The following MINDY4 variants were observed in gnomAD, a reference collection of about 807,000 sequenced individuals.
MINDY4 encodes probable ubiquitin carboxyl-terminal hydrolase MINDY-4.
MINDY4 carries 68 observed loss-of-function variants against 87.0 expected under a neutral mutation model. The observed-to-expected ratio is 0.78, with a 90% CI of 0.64 to 0.96. The LOEUF is 0.96. Among genes scored for constraint, MINDY4 ranks in the 40% least tolerant of loss-of-function variants. MINDY4 has a pLI of 0.00. For missense variants in MINDY4, 919 were observed against 928.2 expected (o/e 0.99, Z 0.13); for synonymous variants, 379 against 363.2 (o/e 1.04, Z -0.50).
intron 7 of MINDY4, among the ~76,000 whole-genome samples, chr7:30,838,005 T>C (rs1209674861): frequency 6.6e-6 from 1 of 152,166 alleles, no homozygotes; most frequent in Non-Finnish European, 1.5e-5. Flanking sequence ...TGGAAAATAA[T>C]GAGTCTGTAG....
chr7:30,852,221 C>T lies in MINDY4; in HGVS notation c.1553C>T (p.Ser518Leu), dbSNP rs755852563. 5.6e-6 allele frequency: 9 copies of T among 1,614,118 alleles called. No individual in the cohort carries two copies. The highest frequency in any genetic ancestry group is 3.3e-5 in the Admixed American group (2 of 60,010). The change falls in exon 11 of 18, where the codon TCG becomes TTG. Residue 518 changes from serine to leucine, a missense_variant. Physicochemically the swap from Ser to Leu is moderately radical, Grantham distance 145. Coordinates refer to ENST00000265299, the MANE Select transcript of MINDY4 (RefSeq NM_032222.3). ...CACCTTCCTTTCCTTTTTAGGGCTT[C>T]GAGAACACAGCAGTTCAGTCCAACA... ...GRERAVVALA[S>L]RTQQFSPTGK...
chr7:30,782,078 C>T lies in MINDY4; in HGVS notation c.285C>T (p.Ile95=). The stretch of plus-strand genomic sequence containing the variant: ...ACAATTTCACTCAAGATACCCCAAT[C>T]CCTGCACTCTCAGTTCCAAAGAAAA... ...TANNFTQDTP[I]PALSVPKKNN... The change falls in exon 3 of 18, where the codon ATC becomes ATT. Residue 95 remains isoleucine, a synonymous_variant. Transcript: ENST00000265299. 1 of 1,614,094 alleles carries T rather than the reference C, an allele frequency of 6.2e-7. No homozygotes were observed.
chr7:30,784,554 G>C (rs543564986), intron 3 of MINDY4, among the ~76,000 whole-genome samples: 1 of 152,206 alleles, frequency 6.6e-6, no homozygotes, highest in Non-Finnish European at 1.5e-5. Context: ...CTATCCTGCC[G>C]AAGGGCTTCA....
chr7:30,809,899 C>G (rs945778798), intron 5 of MINDY4, among the ~76,000 whole-genome samples: 1 of 151,922 alleles, frequency 6.6e-6, no homozygotes, highest in East Asian at 1.9e-4. Flanking sequence ...ATGTTTAGGC[C>G]GGGCGCAGTG....
intron 12 of MINDY4, among the ~76,000 whole-genome samples, chr7:30,856,225 GGCCAGTT>G (rs981849699): frequency 2.3e-4 from 35 of 152,032 alleles, no homozygotes; most frequent in African/African-American, 8.2e-4. Flanking sequence ...GCAGTTTTCA[GGCCAGTT>G]GCCTTGCCTG....
chr7:30,861,521 A>G (rs62449121), intron 13 of MINDY4, among the ~76,000 whole-genome samples: 9,121 of 152,274 alleles, frequency 0.06, 379 homozygotes, highest in Middle Eastern at 0.085. Flanking sequence ...CTGGCCCTAG[A>G]GCTGGCTTTT....
chr7:30,792,659 A>G (rs1220156620), intron 5 of MINDY4, among the ~76,000 whole-genome samples: 8 of 152,126 alleles, frequency 5.3e-5, no homozygotes, highest in Admixed American at 5.2e-4. Context: ...GTATAATTAT[A>G]TTATCCTCTT....
intron 13 of MINDY4, among the ~76,000 whole-genome samples, chr7:30,869,979 G>C (rs1210573448): frequency 6.6e-6 from 1 of 152,154 alleles, no homozygotes; most frequent in Non-Finnish European, 1.5e-5. Context: ...GGAGGTCTGG[G>C]CATCTAGGTT....
intron 9 of MINDY4, among the ~76,000 whole-genome samples, chr7:30,848,953 A>C (rs1789313439): frequency 6.6e-6 from 1 of 152,224 alleles, no homozygotes; most frequent in Admixed American, 6.5e-5. Flanking sequence ...ACCACGTGCC[A>C]GCCACTGGTC....
chr7:30,784,358 G>A (rs566480432), intron 3 of MINDY4, among the ~76,000 whole-genome samples: 51 of 152,280 alleles, frequency 3.3e-4, no homozygotes, highest in Non-Finnish European at 5.1e-4. Flanking sequence ...AGTGATAGTA[G>A]GCACTTTCCT....
chr7:30,840,806 A>T lies in MINDY4; in HGVS notation c.1403A>T (p.Gln468Leu). ...GCAGCTGTCCAAGGCTGTGTCCTAC[A>T]GAAACTCCTGTTTGAAGGAGATAGC... is the stretch of plus-strand genomic sequence containing the variant. ...VLAAVQGCVL[Q>L]KLLFEGDSKA... Residue 468 changes from glutamine (Q) to leucine (L), a missense_variant, in exon 9 of 18, where the codon CAG becomes CTG. By Grantham distance (113) the Gln-to-Leu change is moderately radical. Coordinates refer to ENST00000265299, the MANE Select transcript of MINDY4 (RefSeq NM_032222.3). 6.2e-7 allele frequency: 1 copy of T among 1,614,200 alleles called. No individual in the cohort carries two copies. The highest frequency in any genetic ancestry group is 8.5e-7 in the Non-Finnish European group (1 of 1,180,020).
intron 15 of MINDY4, among the ~76,000 whole-genome samples, chr7:30,879,922 T>C (rs760037699): frequency 2.7e-5 from 4 of 148,856 alleles, no homozygotes; most frequent in Non-Finnish European, 5.9e-5. Context: ...CACCTGCTTT[T>C]TCTTACTTAG....
chr7:30,856,264 G>A (rs1349401155), intron 12 of MINDY4, among the ~76,000 whole-genome samples: 7 of 152,170 alleles, frequency 4.6e-5, no homozygotes, highest in East Asian at 1.9e-4. Flanking sequence ...CAATGCAGGC[G>A]TGTTGCCCTG....
chr7:30,843,236 A>G (rs1789097026), intron 9 of MINDY4, among the ~76,000 whole-genome samples: 1 of 152,242 alleles, frequency 6.6e-6, no homozygotes, highest in Non-Finnish European at 1.5e-5. Context: ...ATGGTATTCC[A>G]GTAAAGAGAA....
At chr7:30,849,111 A>G (rs965752236) in intron 9 of MINDY4, among the ~76,000 whole-genome samples, 1 of 152,016 alleles carries the variant, frequency 6.6e-6, no homozygotes, top group Non-Finnish European at 1.5e-5. Flanking sequence ...GTCACTGGCT[A>G]TGTGTCCCAG....
intron 13 of MINDY4, among the ~76,000 whole-genome samples, chr7:30,869,582 A>G (rs189913989): frequency 2.0e-5 from 3 of 152,114 alleles, no homozygotes; most frequent in Admixed American, 6.5e-5. Flanking sequence ...TCCTCACTTC[A>G]TCTTTTCCTT....
At chr7:30,863,092 T>C (rs1418260663) in intron 13 of MINDY4, among the ~76,000 whole-genome samples, 3 of 152,054 alleles carry the variant, frequency 2.0e-5, no homozygotes, top group African/African-American at 7.2e-5. Context: ...CATACACAGC[T>C]TAAAAACCTC....
intron 11 of MINDY4, 28 bp from the exon 12 acceptor site, chr7:30,853,366 C>T (rs763270130): frequency 1.2e-6 from 2 of 1,605,158 alleles, no homozygotes; most frequent in African/African-American, 2.7e-5. Flanking sequence ...GCTTGGGCCA[C>T]TCATCCTGAG....
intron 4 of MINDY4, chr7:30,786,767 A>G (rs1481335511): frequency 6.6e-6 from 1 of 152,238 alleles, no homozygotes; most frequent in Non-Finnish European, 1.5e-5. Flanking sequence ...AAGAAAGATT[A>G]TAAAAATTTC....
Sources: gnomAD v4.1 joint callset for allele counts (sites outside exome capture counted in the v4.1 genomes callset) on GRCh38, gnomAD v4.1.1 for gene constraint, MANE v1.5 for transcripts, NCBI Gene and HGNC (gene_info 2026-07-23, HGNC 2026-07-21) for gene names.